NRG3: variants seen among roughly 807,000 people sequenced by gnomAD.
NRG3 encodes pro-neuregulin-3, membrane-bound isoform.
A neutral mutation model predicts 66.9 loss-of-function variants in NRG3; 31 were observed. The ratio of observed to expected loss-of-function variants is 0.46; its 90% CI spans 0.35 to 0.63. NRG3 has a LOEUF of 0.63. NRG3 is among the 20% of genes least tolerant of loss of function. The pLI, the probability that NRG3 is intolerant of heterozygous loss-of-function variation, is 0.00. For missense variants in NRG3, 910 were observed against 878.9 expected, an observed-to-expected ratio of 1.04 and a Z score of -0.45; for synonymous variants, 393 against 359.4, an observed-to-expected ratio of 1.09 and a Z score of -1.06.
At chr10:82,583,888 TGG>T (rs1234058178) in intron 2 of NRG3, among the ~76,000 whole-genome samples, 1 of 152,194 alleles carries the variant, frequency 6.6e-6, no homozygotes, top group Non-Finnish European at 1.5e-5. Flanking sequence ...ATCTCACCCC[TGG>T]GCCTTGCAGC....
At chr10:82,466,906 C>A (rs1173641931) in intron 2 of NRG3, among the ~76,000 whole-genome samples, 3 of 149,306 alleles carry the variant, frequency 2.0e-5, no homozygotes, top group Non-Finnish European at 4.4e-5. Flanking sequence ...GGCCCTAGTA[C>A]CCTGACCAAA....
At chr10:82,119,948 C>G (rs1309805751) in intron 1 of NRG3, among the ~76,000 whole-genome samples, 1 of 152,032 alleles carries the variant, frequency 6.6e-6, no homozygotes, top group South Asian at 2.1e-4. Context: ...CTATTTGTCA[C>G]GACCTCTACT....
At chr10:82,892,734 T>C (rs1843276869) in intron 4 of NRG3, among the ~76,000 whole-genome samples, 1 of 151,600 alleles carries the variant, frequency 6.6e-6, no homozygotes, top group South Asian at 2.1e-4. Context: ...AAAAAATAAA[T>C]CTTCATAATC....
At chr10:82,376,646 G>A (rs944123365) in intron 2 of NRG3, among the ~76,000 whole-genome samples, 5 of 152,094 alleles carry the variant, frequency 3.3e-5, no homozygotes, top group African/African-American at 7.2e-5. Context: ...CACTAACACC[G>A]CTTGTGGCAT....
At chr10:82,412,004 G>A (rs1186806600) in intron 2 of NRG3, among the ~76,000 whole-genome samples, 1 of 152,086 alleles carries the variant, frequency 6.6e-6, no homozygotes, top group African/African-American at 2.4e-5. Context: ...GCAAAGTCAA[G>A]AAGAAGAATG....
intron 2 of NRG3, among the ~76,000 whole-genome samples, chr10:82,418,524 G>T (rs886450535): frequency 1.3e-5 from 2 of 151,894 alleles, no homozygotes; most frequent in Admixed American, 1.3e-4. Flanking sequence ...TTTGAACTTT[G>T]CAGATTAATG....
At chr10:82,916,764 T>C (rs186087702) in intron 4 of NRG3, among the ~76,000 whole-genome samples, 9 of 152,156 alleles carry the variant, frequency 5.9e-5, no homozygotes, top group South Asian at 4.1e-4. Flanking sequence ...TATAGGCGCG[T>C]GCCACCACGC....
At chr10:82,531,222 G>A (rs965988980) in intron 2 of NRG3, among the ~76,000 whole-genome samples, 6 of 151,582 alleles carry the variant, frequency 4.0e-5, no homozygotes, top group Non-Finnish European at 7.4e-5. Flanking sequence ...CATAAAATGC[G>A]AGTCCATACA....
chr10:81,939,108 C>G (rs936193160), intron 1 of NRG3, among the ~76,000 whole-genome samples: 1 of 151,896 alleles, frequency 6.6e-6, no homozygotes, highest in Non-Finnish European at 1.5e-5. Flanking sequence ...CAAGGATAGA[C>G]CTCATTTGGT....
chr10:82,472,954 A>C (rs992929972), intron 2 of NRG3, among the ~76,000 whole-genome samples: 1 of 152,210 alleles, frequency 6.6e-6, no homozygotes, highest in Non-Finnish European at 1.5e-5. Flanking sequence ...GGTGTGGTGC[A>C]GACATTGTAG....
chr10:82,037,977 G>A (rs2062865075), intron 1 of NRG3, among the ~76,000 whole-genome samples: 2 of 52,216 alleles, frequency 3.8e-5, no homozygotes, highest in African/African-American at 5.4e-5. Flanking sequence ...GGGGAGGGGG[G>A]AGAGAGAGAG....
intron 1 of NRG3, among the ~76,000 whole-genome samples, chr10:82,321,310 G>GGGT (rs1554884247): frequency 1.5e-4 from 22 of 148,492 alleles, no homozygotes; most frequent in Non-Finnish European, 3.0e-4. Flanking sequence ...GTGGGGGTGG[G>GGGT]GGTCAGGGAA....
intron 1 of NRG3, among the ~76,000 whole-genome samples, chr10:82,255,382 A>T (rs534261701): frequency 6.6e-6 from 1 of 152,310 alleles, no homozygotes; most frequent in East Asian, 1.9e-4. Flanking sequence ...ATGGGGTAAA[A>T]ATGAAGGAAG....
intron 1 of NRG3, among the ~76,000 whole-genome samples, chr10:81,907,063 T>G (rs890952817): frequency 6.6e-6 from 1 of 152,188 alleles, no homozygotes; most frequent in African/African-American, 2.4e-5. Flanking sequence ...AGATGCCTGT[T>G]AGACTTCCAG....
At chr10:82,226,612 C>G (rs2076173731) in intron 1 of NRG3, among the ~76,000 whole-genome samples, 1 of 152,070 alleles carries the variant, frequency 6.6e-6, no homozygotes, top group African/African-American at 2.4e-5. Flanking sequence ...CATATGATAG[C>G]AAATATTGAC....
chr10:82,953,100 C>T (rs1276707481), intron 5 of NRG3, among the ~76,000 whole-genome samples: 4 of 151,798 alleles, frequency 2.6e-5, no homozygotes, highest in African/African-American at 7.3e-5. Context: ...TGCCAGGGCC[C>T]CATCCTTACC....
intron 1 of NRG3, among the ~76,000 whole-genome samples, chr10:82,271,465 T>C (rs1044324396): frequency 2.0e-5 from 3 of 152,144 alleles, no homozygotes; most frequent in African/African-American, 7.2e-5. Flanking sequence ...GTTGTTGTTC[T>C]TATGAATGTT....
At chr10:82,729,238 G>T (rs1444347628) in intron 2 of NRG3, among the ~76,000 whole-genome samples, 1 of 152,096 alleles carries the variant, frequency 6.6e-6, no homozygotes, top group East Asian at 1.9e-4. Flanking sequence ...TAAGAAATCA[G>T]TAACAGTGCA....
intron 2 of NRG3, among the ~76,000 whole-genome samples, chr10:82,581,019 C>G (rs1590752669): frequency 1.3e-5 from 2 of 151,820 alleles, no homozygotes; most frequent in Admixed American, 1.3e-4. Flanking sequence ...TTATAAGTAA[C>G]TCCCAAACTG....
Sources: gnomAD v4.1 joint callset for allele counts (sites outside exome capture counted in the v4.1 genomes callset) on GRCh38, gnomAD v4.1.1 for gene constraint, MANE v1.5 for transcripts, NCBI Gene and HGNC (gene_info 2026-07-23, HGNC 2026-07-21) for gene names.